Variants in DLG2 observed in about 807,000 individuals in gnomAD.
DLG2 encodes discs large MAGUK scaffold protein 2, also known as disks large homolog 2.
In DLG2, 45 loss-of-function variants were observed where a neutral mutation model predicts 132.5. The observed-to-expected ratio is 0.34, with a 90% CI of 0.27 to 0.44. The LOEUF (loss-of-function observed/expected upper bound fraction) is 0.44, where lower values mean the gene tolerates loss of function less well. Ranked by LOEUF, DLG2 falls within the 20% of genes least tolerant of loss-of-function variation. The probability of loss-of-function intolerance (pLI) is 1.00; values close to 1 mark genes in which losing one functional copy is unlikely to be tolerated. For synonymous variants in DLG2, 424 were observed against 419.6 expected (o/e 1.01, Z -0.13); for missense variants, 1,045 against 1,196.9 (o/e 0.87, Z 1.87).
At chr11:83,740,956 C>T (rs1036125908) in intron 18 of DLG2, among the ~76,000 whole-genome samples, 3 of 152,152 alleles carry the variant, frequency 2.0e-5, no homozygotes, top group East Asian at 1.9e-4. Flanking sequence ...GTTAATTTAC[C>T]GTGATCAAGT....
chr11:84,601,437 C>A (rs1365976177), intron 6 of DLG2, among the ~76,000 whole-genome samples: 2 of 151,988 alleles, frequency 1.3e-5, no homozygotes, highest in African/African-American at 2.4e-5. Context: ...AGCTTTAATC[C>A]AACAATCATT....
Position 84,441,132 on chromosome 11 carries a change from A to AATTATTATTATTATTATT in DLG2, c.519+93420_519+93437dup, listed in dbSNP as rs57445306. On this transcript the variant is annotated intron_variant, in intron 7 of 27. Coordinates refer to ENST00000376104, the MANE Select transcript of DLG2 (RefSeq NM_001142699.3). ...CTTTGGCTAATGTCTGATGTTAGTA[A>AATTATTATTATTATTATT]ATTATTATTATTATTATTATTATTA... Among the ~76,000 whole-genome samples the AATTATTATTATTATTATT allele has an allele frequency of 4.6e-3, 690 of 148,592 alleles. 16 individuals are homozygous for AATTATTATTATTATTATT. Among genetic ancestry groups the AATTATTATTATTATTATT allele is most frequent in the African/African-American group, 0.017 (664 of 39,942 alleles).
chr11:84,710,963 T>C (rs2060317752), intron 6 of DLG2, among the ~76,000 whole-genome samples: 1 of 148,728 alleles, frequency 6.7e-6, no homozygotes, highest in Non-Finnish European at 1.5e-5. Flanking sequence ...ATCACTGAAA[T>C]ATATAATGTG....
intron 3 of DLG2, among the ~76,000 whole-genome samples, chr11:85,548,678 C>T (rs745772567): frequency 4.6e-5 from 7 of 152,256 alleles, no homozygotes; most frequent in East Asian, 1.9e-4. Context: ...TTTTCAGAGA[C>T]GCCCTGTCCA....
chr11:85,345,626 A>G (rs1295439435), intron 3 of DLG2, among the ~76,000 whole-genome samples: 1 of 152,090 alleles, frequency 6.6e-6, no homozygotes, highest in East Asian at 1.9e-4. Context: ...CATGGCTGCA[A>G]GACCTTTCAT....
chr11:85,324,532 G>A (rs188345669), intron 3 of DLG2, among the ~76,000 whole-genome samples: 78 of 152,084 alleles, frequency 5.1e-4, no homozygotes, highest in Non-Finnish European at 8.4e-4. Context: ...TTAAACTTTC[G>A]GAGCATCATC....
chr11:85,314,965 G>A (rs2080554379), intron 3 of DLG2, among the ~76,000 whole-genome samples: 1 of 152,108 alleles, frequency 6.6e-6, no homozygotes, highest in Non-Finnish European at 1.5e-5. Flanking sequence ...CAGGCTCTGT[G>A]TCATTTCATC....
chr11:84,103,121 T>C (rs547678495), intron 9 of DLG2, among the ~76,000 whole-genome samples: 3 of 152,156 alleles, frequency 2.0e-5, no homozygotes, highest in Non-Finnish European at 4.4e-5. Flanking sequence ...CATGGTTCTT[T>C]ACAAGAGATT....
chr11:84,319,052 T>C (rs1283089554), intron 7 of DLG2, among the ~76,000 whole-genome samples: 3 of 152,338 alleles, frequency 2.0e-5, no homozygotes, highest in East Asian at 3.9e-4. Flanking sequence ...GGTATTCTTG[T>C]TAAGGAAATT....
At chr11:84,403,237 A>T (rs972783874) in intron 7 of DLG2, among the ~76,000 whole-genome samples, 28 of 152,266 alleles carry the variant, frequency 1.8e-4, no homozygotes, top group Admixed American at 1.8e-3. Context: ...TGACAAAGCT[A>T]TTCATGGCAT....
At chr11:85,501,712 C>A (rs1453034963) in intron 3 of DLG2, among the ~76,000 whole-genome samples, 9 of 151,636 alleles carry the variant, frequency 5.9e-5, no homozygotes, top group African/African-American at 2.2e-4. Context: ...ATCAAAACCA[C>A]AATTAGATAC....
chr11:85,419,949 A>G (rs943043273), intron 3 of DLG2, among the ~76,000 whole-genome samples: 1 of 152,178 alleles, frequency 6.6e-6, no homozygotes, highest in African/African-American at 2.4e-5. Context: ...TTTCAAACTC[A>G]TTCCCCATCC....
At chr11:83,695,937 G>C (rs1432717226) in intron 18 of DLG2, among the ~76,000 whole-genome samples, 1 of 152,136 alleles carries the variant, frequency 6.6e-6, no homozygotes, top group Middle Eastern at 3.2e-3. Context: ...CTGGAAAACA[G>C]ACTGAGGAGA....
At chr11:84,576,865 T>C (rs1311507778) in intron 6 of DLG2, among the ~76,000 whole-genome samples, 2 of 152,182 alleles carry the variant, frequency 1.3e-5, no homozygotes, top group Non-Finnish European at 2.9e-5. Context: ...TTATGGCCCA[T>C]ATTTTCTTAT....
chr11:84,828,166 G>A (rs994210997), intron 6 of DLG2, among the ~76,000 whole-genome samples: 10 of 151,782 alleles, frequency 6.6e-5, no homozygotes, highest in African/African-American at 2.4e-4. Flanking sequence ...ATAGGCAGGG[G>A]CAGGAGAGAA....
intron 6 of DLG2, among the ~76,000 whole-genome samples, chr11:85,064,566 T>C (rs538449494): frequency 2.0e-5 from 3 of 151,868 alleles, no homozygotes; most frequent in Admixed American, 1.3e-4. Flanking sequence ...GATTATACCA[T>C]CCCCTAGGGA....
rs187687120 is a variant in DLG2 at position 85,436,153 on chromosome 11, A to C, written c.41-150788T>G. On this transcript the variant is annotated intron_variant, in intron 3 of 27. Coordinates refer to ENST00000376104, the MANE Select transcript of DLG2 (RefSeq NM_001142699.3). ...ACCCTTCCTTACATCTTATACAAAA[A>C]TTAACTCAAGATGGATTAAAGACTT... is the stretch of plus-strand genomic sequence containing the variant. 2.8e-4 allele frequency among the ~76,000 whole-genome samples: 43 copies of C among 152,342 alleles called. 1 individual carries two copies. The East Asian group carries it at 8.3e-3, about 29-fold the overall frequency.
At chr11:85,154,051 C>T (rs568196602) in intron 5 of DLG2, among the ~76,000 whole-genome samples, 5 of 145,112 alleles carry the variant, frequency 3.4e-5, no homozygotes, top group East Asian at 4.1e-4. Flanking sequence ...AATATCCTTG[C>T]GAACAGCCAG....
chr11:83,879,278 G>C (rs1194075078), intron 15 of DLG2, among the ~76,000 whole-genome samples: 2 of 152,074 alleles, frequency 1.3e-5, no homozygotes, highest in African/African-American at 2.4e-5. Context: ...AGCACAAAAA[G>C]TTTTTTGTGT....
Sources: allele counts gnomAD v4.1 joint callset (sites outside exome capture counted in the v4.1 genomes callset), GRCh38; gene constraint gnomAD v4.1.1; transcripts MANE v1.5; gene names NCBI Gene and HGNC (gene_info 2026-07-23, HGNC 2026-07-21).